The following PTPN1 variants were observed in gnomAD, a reference collection of about 807,000 sequenced individuals.
PTPN1 encodes the protein protein tyrosine phosphatase non-receptor type 1.
In PTPN1, 12 loss-of-function variants were observed where a neutral mutation model predicts 59.9. The ratio of observed to expected loss-of-function variants is 0.20; its 90% CI spans 0.13 to 0.32. The LOEUF is 0.32. Ranked by LOEUF, PTPN1 falls within the 10% of genes least tolerant of loss-of-function variation. The probability of loss-of-function intolerance (pLI) is 1.00; values close to 1 mark genes in which losing one functional copy is unlikely to be tolerated. For synonymous variants in PTPN1, 178 were observed against 203.6 expected (o/e 0.87, Z 1.07); for missense variants, 356 against 549.2 (o/e 0.65, Z 3.52).
chr20:50,574,435 C>A, intron 4 of PTPN1, 82 bp from the exon 5 acceptor site: 1 of 1,372,770 alleles, frequency 7.3e-7, no homozygotes, highest in Non-Finnish European at 9.8e-7. Flanking sequence ...TATCATGAAG[C>A]TTGTGGGATG....
At chr20:50,552,590 A>G (rs2082707072) in intron 1 of PTPN1, among the ~76,000 whole-genome samples, 1 of 152,072 alleles carries the variant, frequency 6.6e-6, no homozygotes, top group Admixed American at 6.5e-5. Context: ...GCACTATGGG[A>G]GGCTGAGACT....
chr20:50,553,375 A>G (rs1304887878), intron 1 of PTPN1, among the ~76,000 whole-genome samples: 2 of 152,242 alleles, frequency 1.3e-5, no homozygotes, highest in Admixed American at 6.5e-5. Context: ...AGAGCAGGGT[A>G]CTAAGGATGA....
chr20:50,564,707 T>G (rs1252889314), intron 2 of PTPN1, among the ~76,000 whole-genome samples: 1 of 152,172 alleles, frequency 6.6e-6, no homozygotes. Flanking sequence ...GAGAACAGAT[T>G]TCCCAGATAG....
chr20:50,542,516 T>C (rs1028657583), intron 1 of PTPN1, among the ~76,000 whole-genome samples: 1 of 152,232 alleles, frequency 6.6e-6, no homozygotes, highest in Non-Finnish European at 1.5e-5. Flanking sequence ...TTAGATGTTG[T>C]CATTTCATGA....
chr20:50,535,459 C>G (rs1227930450), intron 1 of PTPN1, among the ~76,000 whole-genome samples: 3 of 152,114 alleles, frequency 2.0e-5, no homozygotes, highest in African/African-American at 7.2e-5. Context: ...TGAATCCCCT[C>G]TTTTTTGTAG....
In PTPN1 at chr20:50,518,597, G is replaced by A. The variant is rs140393460; in HGVS notation, c.63+8007G>A. Among the ~76,000 whole-genome samples, 1,001 of 152,114 alleles carry A rather than the reference G, an allele frequency of 6.6e-3. 4 individuals carry two copies. Among genetic ancestry groups the A allele is most frequent in the Middle Eastern group, 0.031 (9 of 294 alleles). On this transcript the variant is annotated intron_variant, in intron 1 of 9. Coordinates refer to ENST00000371621, the MANE Select transcript of PTPN1 (RefSeq NM_002827.4). ...GTACCCAGTGAATTTTTTTTTCGGG[G>A]CAGGGAGAGAATATGTCATTTTTTG...
intron 1 of PTPN1, among the ~76,000 whole-genome samples, chr20:50,532,525 G>A (rs577693687): frequency 1.3e-5 from 2 of 152,262 alleles, no homozygotes; most frequent in African/African-American, 2.4e-5. Flanking sequence ...TGTAGAATCC[G>A]TGTTGTGAAT....
At position 50,515,289 on chromosome 20, in the gene PTPN1, C is replaced by T. The variant is rs554904802; in HGVS notation, c.63+4699C>T. The stretch of plus-strand genomic sequence containing the variant: ...TTCATTCCTCTATACCATTGCTGAG[C>T]ACTTTGTTGAGGATGCCTCTCCCGT... On this transcript the variant is annotated intron_variant, in intron 1 of 9. Transcript: ENST00000371621. Among the ~76,000 whole-genome samples the T allele has an allele frequency of 6.6e-5, 10 of 152,304 alleles. No homozygotes were observed. The South Asian group carries it at 1.2e-3, about 19-fold the overall frequency.
intron 1 of PTPN1, among the ~76,000 whole-genome samples, chr20:50,518,927 A>G (rs981942195): frequency 3.3e-5 from 5 of 152,202 alleles, no homozygotes; most frequent in Non-Finnish European, 5.9e-5. Context: ...ATATTCCTTG[A>G]GAATCCACAT....
At chr20:50,579,598 C>A in intron 7 of PTPN1, 105 bp from the exon 8 acceptor site, 1 of 1,057,788 alleles carries the variant, frequency 9.5e-7, no homozygotes, top group Non-Finnish European at 1.4e-6. Context: ...CCCTGAGAGG[C>A]CGAGAGCCCC....
intron 1 of PTPN1, among the ~76,000 whole-genome samples, chr20:50,550,350 TC>T (rs2082697033): frequency 1.3e-5 from 2 of 152,168 alleles, no homozygotes; most frequent in Non-Finnish European, 2.9e-5. Flanking sequence ...TCCCTGAAGT[TC>T]CAGTGAGTAA....
At chr20:50,555,371 T>C (rs1299808289) in intron 1 of PTPN1, among the ~76,000 whole-genome samples, 1 of 152,194 alleles carries the variant, frequency 6.6e-6, no homozygotes, top group African/African-American at 2.4e-5. Context: ...TGGTTGCCTT[T>C]GGTGGCAGTA....
At chr20:50,551,667 T>C (rs1368678106) in intron 1 of PTPN1, among the ~76,000 whole-genome samples, 1 of 152,220 alleles carries the variant, frequency 6.6e-6, no homozygotes, top group Non-Finnish European at 1.5e-5. Context: ...AGGTGTGGAC[T>C]GGGGGAAGGA....
At chr20:50,516,382 A>T (rs1024299043) in intron 1 of PTPN1, among the ~76,000 whole-genome samples, 4 of 152,278 alleles carry the variant, frequency 2.6e-5, no homozygotes, top group Admixed American at 2.6e-4. Flanking sequence ...GTGCTGAGTG[A>T]GTCCCTTACT....
intron 1 of PTPN1, among the ~76,000 whole-genome samples, chr20:50,532,445 C>G (rs1390238892): frequency 6.6e-6 from 1 of 152,166 alleles, no homozygotes; most frequent in Non-Finnish European, 1.5e-5. Flanking sequence ...ACAGACAGTC[C>G]TTAACGCACA....
At chr20:50,575,662 G>C (rs796837620) in intron 5 of PTPN1, among the ~76,000 whole-genome samples, 2 of 152,186 alleles carry the variant, frequency 1.3e-5, no homozygotes, top group Non-Finnish European at 2.9e-5. Flanking sequence ...GGTGGCTCAC[G>C]TCTTTAATCC....
At chr20:50,510,667 ACTCC>A in intron 1 of PTPN1, 77 bp downstream of exon 1, 1 of 1,457,986 alleles carries the variant, frequency 6.9e-7, no homozygotes, top group Non-Finnish European at 9.3e-7. Flanking sequence ...CAGGCCCCAG[ACTCC>A]CTCTGGGTCT....
rs375429990 is a variant in PTPN1, at chr20:50,529,539, T to C, written c.63+18949T>C. ...GAGATTTTGATCTTGCCAGAAAGTT[T>C]ATAGCAAAAGTTCTGAGCAGATGAC... On this transcript the variant is annotated intron_variant, in intron 1 of 9. Coordinates refer to ENST00000371621, the MANE Select transcript of PTPN1 (RefSeq NM_002827.4). 2.6e-4 allele frequency among the ~76,000 whole-genome samples: 40 copies of C among 152,360 alleles called. No individual in the cohort carries two copies. In the South Asian group the frequency reaches 3.7e-3, roughly 14 times the overall value.
At position 50,578,421 on chromosome 20, in the gene PTPN1, C is replaced by T. The variant is rs149080433; in HGVS notation, c.494C>T (p.Thr165Ile). 104 of 1,612,816 alleles carry T rather than the reference C, an allele frequency of 6.4e-5. No individual in the cohort carries two copies. In the African/African-American group the frequency reaches 1.2e-3, roughly 18 times the overall value. Residue 165 changes from threonine to isoleucine, a missense_variant and splice_region_variant, in exon 6 of 10, where the codon ACC becomes ATC. This residue lies in a region of PTPN1 where 194 missense variants were observed against 344.2 expected (regional missense o/e 0.56). Coordinates refer to ENST00000371621, the MANE Select transcript of PTPN1 (RefSeq NM_002827.4). The part of the protein sequence containing the change: ...VRQLELENLT[T>I]QETREILHFH... ...ATCATGAGTATTTTTCTCTTTCAGA[C>T]CCAAGAAACTCGAGAGATCTTACAT...
Sources: gnomAD v4.1 joint callset for allele counts (sites outside exome capture counted in the v4.1 genomes callset) on GRCh38, gnomAD v4.1.1 for gene constraint, gnomAD v4.1.1 regional missense constraint, MANE v1.5 for transcripts, NCBI Gene and HGNC (gene_info 2026-07-23, HGNC 2026-07-21) for gene names.